LRRC74A: variants seen among roughly 807,000 people sequenced by gnomAD.
LRRC74A encodes leucine-rich repeat-containing protein 74A.
Under a neutral mutation model 57.9 loss-of-function variants are expected in LRRC74A, and 44 were observed. That is an observed-to-expected ratio of 0.76 (90% confidence interval 0.60 to 0.98). The LOEUF is 0.98. Among genes scored for constraint, LRRC74A ranks in the 50% least tolerant of loss-of-function variants. LRRC74A has a pLI of 0.00. For synonymous variants in LRRC74A, 211 were observed against 219.4 expected, an observed-to-expected ratio of 0.96 and a Z score of 0.34; for missense variants, 572 against 574.0, an observed-to-expected ratio of 1.00 and a Z score of 0.04.
intron 2 of LRRC74A, among the ~76,000 whole-genome samples, chr14:76,829,494 G>T (rs1895821705): frequency 6.6e-6 from 1 of 152,202 alleles, no homozygotes; most frequent in Non-Finnish European, 1.5e-5. Context: ...GTTGGAGAAG[G>T]TAGCAAAGGA....
At chr14:76,826,790 ACAC>A in intron 1 of LRRC74A, 56 bp downstream of exon 1, 1 of 1,198,682 alleles carries the variant, frequency 8.3e-7, no homozygotes, top group Non-Finnish European at 1.2e-6. Flanking sequence ...CCTCAGTACA[ACAC>A]CTAGTGATCA....
At chr14:76,828,841 C>A in intron 2 of LRRC74A, 1 of 429,178 alleles carries the variant, frequency 2.3e-6, no homozygotes, top group Non-Finnish European at 4.3e-6. Flanking sequence ...CGGGAGTTTG[C>A]CCAGCACGTT....
At chr14:76,852,494 C>T (rs372597678) in intron 8 of LRRC74A, 44 bp downstream of exon 8, 7 of 1,438,418 alleles carry the variant, frequency 4.9e-6, no homozygotes, top group Non-Finnish European at 6.7e-6. Flanking sequence ...CAGTTGAGGA[C>T]AGCCAGGGCC....
chr14:76,850,987 G>A (rs948513840), intron 7 of LRRC74A, among the ~76,000 whole-genome samples: 1 of 152,088 alleles, frequency 6.6e-6, no homozygotes, highest in Non-Finnish European at 1.5e-5. Context: ...TCCATCAATG[G>A]CCTCCTTGGC....
intron 7 of LRRC74A, among the ~76,000 whole-genome samples, chr14:76,846,314 C>T (rs563542994): frequency 6.6e-6 from 1 of 152,292 alleles, no homozygotes; most frequent in Non-Finnish European, 1.5e-5. Context: ...AAGAATACTT[C>T]AAGCTGCCGG....
chr14:76,852,474 G>A (rs1238717651), intron 8 of LRRC74A, 24 bp downstream of exon 8: 1 of 1,548,544 alleles, frequency 6.5e-7, no homozygotes, highest in Non-Finnish European at 8.9e-7. Flanking sequence ...CAGGAGTGAT[G>A]TGTGGAGCCC....
At chr14:76,837,137 G>C (rs1262511904) in intron 4 of LRRC74A, among the ~76,000 whole-genome samples, 3 of 151,950 alleles carry the variant, frequency 2.0e-5, no homozygotes, top group Non-Finnish European at 4.4e-5. Flanking sequence ...GTGAGACTCT[G>C]TTTCAAAAAA....
chr14:76,829,077 C>T (rs991918838), intron 2 of LRRC74A: 23 of 1,289,412 alleles, frequency 1.8e-5, no homozygotes, highest in Non-Finnish European at 2.1e-5. Context: ...CCTCCACCCT[C>T]TCTCTCCTCC....
At chr14:76,866,106 G>A (rs1898770701) in intron 12 of LRRC74A, 31 bp downstream of exon 12, 1 of 1,370,460 alleles carries the variant, frequency 7.3e-7, no homozygotes, top group Non-Finnish European at 1.0e-6. Context: ...AACAGGCTGT[G>A]TGTGAGTGTG....
chr14:76,831,524 C>A, intron 3 of LRRC74A, 149 bp downstream of exon 3: 1 of 838,078 alleles, frequency 1.2e-6, no homozygotes, highest in Non-Finnish European at 1.8e-6. Flanking sequence ...GCTTGGCTGC[C>A]AGATGATTTA....
chr14:76,867,357 A>G lies in LRRC74A; in HGVS notation c.1310A>G (p.Gln437Arg), dbSNP rs377601048. The change falls in exon 13 of 14, where the codon CAA becomes CGA. Residue 437 changes from glutamine (Q) to arginine (R), a missense_variant and splice_region_variant. Transcript: ENST00000689127. Reference sequence around the variant, plus strand: ...CACATGTTCCATCCACCTCCTCAGCAAAACAAGGTCCCCCTGAACCAGTAC... The same window carrying G: ...CACATGTTCCATCCACCTCCTCAGCGAAACAAGGTCCCCCTGAACCAGTAC... ...VDEFQKVMIE[Q>R]NKVPLNQYQV... is the part of the protein sequence containing the mutation. The G allele has an allele frequency of 1.1e-5, 17 of 1,552,348 alleles. No individual in the cohort carries two copies. Among genetic ancestry groups the G allele is most frequent in the Non-Finnish European group, 1.5e-5 (17 of 1,125,978 alleles).
At chr14:76,868,346 G>A (rs1449989539) in intron 13 of LRRC74A, among the ~76,000 whole-genome samples, 1 of 152,208 alleles carries the variant, frequency 6.6e-6, no homozygotes, top group Non-Finnish European at 1.5e-5. Context: ...GTGCATGCTT[G>A]AAGTCCCAGC....
chr14:76,850,810 G>A (rs535239820), intron 7 of LRRC74A, among the ~76,000 whole-genome samples: 30 of 145,502 alleles, frequency 2.1e-4, no homozygotes, highest in Non-Finnish European at 3.6e-4. Flanking sequence ...GGAGGTTGCA[G>A]TGAGCCGAGA....
intron 7 of LRRC74A, among the ~76,000 whole-genome samples, chr14:76,851,909 C>T (rs959376066): frequency 6.6e-5 from 10 of 151,854 alleles, no homozygotes; most frequent in African/African-American, 1.2e-4. Flanking sequence ...CGTGATCTGC[C>T]CATGTCAGCC....
intron 4 of LRRC74A, 95 bp downstream of exon 4, chr14:76,836,409 C>G (rs531888707): frequency 1.2e-6 from 1 of 830,516 alleles, no homozygotes; most frequent in Non-Finnish European, 1.9e-6. Flanking sequence ...CCCAGGCTGC[C>G]TCCAGGCTCC....
chr14:76,864,961 TTAGA>T (rs1459421813), intron 11 of LRRC74A, among the ~76,000 whole-genome samples: 5 of 152,106 alleles, frequency 3.3e-5, no homozygotes, highest in Non-Finnish European at 5.9e-5. Context: ...AGATGAGAGA[TTAGA>T]TAGATAAATG....
At chr14:76,847,855 T>G (rs1897207888) in intron 7 of LRRC74A, among the ~76,000 whole-genome samples, 1 of 151,820 alleles carries the variant, frequency 6.6e-6, no homozygotes, top group Non-Finnish European at 1.5e-5. Context: ...TTGGGCAACA[T>G]AGTGAGACCC....
intron 11 of LRRC74A, among the ~76,000 whole-genome samples, chr14:76,861,181 C>T (rs1898276811): frequency 6.6e-6 from 1 of 152,328 alleles, no homozygotes; most frequent in Non-Finnish European, 1.5e-5. Context: ...TCTTCACCTG[C>T]AGAATGGACA....
chr14:76,864,882 A>G (rs1898655157), intron 11 of LRRC74A, among the ~76,000 whole-genome samples: 1 of 152,186 alleles, frequency 6.6e-6, no homozygotes, highest in East Asian at 1.9e-4. Flanking sequence ...GGAAAAGAAT[A>G]TTATAATGAC....
Sources: gnomAD v4.1 joint callset for allele counts (sites outside exome capture counted in the v4.1 genomes callset) on GRCh38, gnomAD v4.1.1 for gene constraint, MANE v1.5 for transcripts, NCBI Gene and HGNC (gene_info 2026-07-23, HGNC 2026-07-21) for gene names.